Variants in ATG16L2 observed in about 807,000 individuals in gnomAD.
ATG16L2 encodes the protein autophagy related 16 like 2, also known as protein Atg16l2.
A neutral mutation model predicts 84.7 loss-of-function variants in ATG16L2; 77 were observed. The ratio of observed to expected loss-of-function variants is 0.91; its 90% CI spans 0.76 to 1.10. ATG16L2 has a LOEUF of 1.10. Among genes scored for constraint, ATG16L2 ranks in the 50% least tolerant of loss-of-function variants. The pLI is 0.00. For synonymous variants in ATG16L2, 361 were observed against 342.8 expected (o/e 1.05, Z -0.59); for missense variants, 782 against 817.6 (o/e 0.96, Z 0.53).
chr11:72,821,934 C>T (rs1451288889), intron 4 of ATG16L2, 110 bp from the exon 5 acceptor site: 3 of 1,424,162 alleles, frequency 2.1e-6, no homozygotes, highest in South Asian at 1.5e-5. Flanking sequence ...CTTAGCCACC[C>T]GGCTAGCCGC....
chr11:72,819,770 G>A (rs1555031499), intron 3 of ATG16L2, among the ~76,000 whole-genome samples: 1 of 151,676 alleles, frequency 6.6e-6, no homozygotes, highest in Non-Finnish European at 1.5e-5. Flanking sequence ...TTTTGAGACG[G>A]AGTCTCACTC....
downstream of ATG16L2, among the ~76,000 whole-genome samples, chr11:72,830,584 C>G (rs145073390): frequency 6.6e-6 from 1 of 152,316 alleles, no homozygotes; most frequent in Non-Finnish European, 1.5e-5. Flanking sequence ...ATCCTCCCAC[C>G]TGGTCTTCCC....
chr11:72,820,331 T>C (rs1859921143), intron 3 of ATG16L2: 1 of 152,214 alleles, frequency 6.6e-6, no homozygotes. Flanking sequence ...GTTTCACCAC[T>C]GCAAAGATCT....
chr11:72,822,406 A>G lies in ATG16L2; in HGVS notation c.645-72A>G, dbSNP rs780616416. On this transcript the variant is annotated intron_variant, in intron 5 of 17. Transcript: ENST00000321297. This position sits in a 1 kb window ranked among gnomAD's most constrained non-coding sequence, Gnocchi z 4.2. ...GGGGCAGCAGCCGCCCCCTGGAGGA[A>G]GGGACCGGGTCTAGCCCCGCCTGCG... 1 of 1,594,538 alleles carries G rather than the reference A, an allele frequency of 6.3e-7. No individual in the cohort carries two copies. Among genetic ancestry groups the G allele is most frequent in the Non-Finnish European group, 8.5e-7 (1 of 1,174,380 alleles).
Position 72,825,481 on chromosome 11 carries a change from CAG to C in ATG16L2, c.1102+77_1102+78del. 4.3e-6 allele frequency: 5 copies of C among 1,161,972 alleles called. No individual in the cohort carries two copies. In the South Asian group the frequency reaches 6.2e-5, roughly 14 times the overall value. 72.0% of individuals were successfully genotyped at this position (1,161,972 alleles called of 1,614,324 possible). On this transcript the variant is annotated intron_variant, in intron 10 of 17. Coordinates refer to ENST00000321297, the MANE Select transcript of ATG16L2 (RefSeq NM_033388.2). Reference sequence around the variant, plus strand: ...TCTCCTCAGCTCACTCCTTGGTGGGCAGAGGTCTTGGATCTCTTTGTGTTTCT... The same window carrying C: ...TCTCCTCAGCTCACTCCTTGGTGGGCAGGTCTTGGATCTCTTTGTGTTTCT...
chr11:72,842,709 T>C (rs766081890), exon 6 of ATG16L2: 18 of 1,613,928 alleles, frequency 1.1e-5, no homozygotes, highest in South Asian at 5.5e-5. Flanking sequence ...AATACGCCCA[T>C]TGAATTCCCC....
At position 72,814,440 on chromosome 11, in the gene ATG16L2, G is replaced by C. The variant is rs1341825299; in HGVS notation, c.-6G>C. The C allele has an allele frequency of 1.4e-6, 2 of 1,477,492 alleles. No individual in the cohort carries two copies. The highest frequency in any genetic ancestry group is 1.8e-6 in the Non-Finnish European group (2 of 1,106,624). 91.5% of individuals were successfully genotyped at this position (1,477,492 alleles called of 1,614,324 possible). On this transcript the variant is annotated 5_prime_UTR_variant, in exon 1 of 18. Transcript: ENST00000321297. ...GGAACGCGCCGCTAGGCGGGAGAGC[G>C]CGGCCATGGCGGGGCCGGGCGTCCC...
In ATG16L2 at chr11:72,842,626, T is replaced by C. The variant is rs1860997947; in HGVS notation, c.*31T>C. 1.2e-6 allele frequency: 2 copies of C among 1,613,924 alleles called. No homozygotes were observed. The highest frequency in any genetic ancestry group is 3.3e-5 in the Admixed American group (2 of 60,006). Reference sequence around the variant, plus strand: ...CTGTCTCCCCTCTCAGGTACCTGAATCTCTCTCATCCATGGAGTGTCACCA... The same window carrying C: ...CTGTCTCCCCTCTCAGGTACCTGAACCTCTCTCATCCATGGAGTGTCACCA... On this transcript the variant is annotated 3_prime_UTR_variant, in exon 6 of 6. Transcript: ENST00000534905.
At chr11:72,829,263 TCCTGAAGCCCC>T (rs750844853) in intron 17 of ATG16L2, 29 bp from the exon 18 acceptor site, 6 of 1,603,570 alleles carry the variant, frequency 3.7e-6, no homozygotes, top group Non-Finnish European at 5.1e-6. Context: ...CAGGCGCAGT[TCCTGAAGCCCC>T]CCTGAAGCCT....
chr11:72,829,419 C>T lies in ATG16L2; in HGVS notation c.*29C>T. ...CACGACCTGCCTGCCTGGGCTGGAG[C>T]TCTTGCCCGAAGCCTGAAGCTTCCT... On this transcript the variant is annotated 3_prime_UTR_variant, in exon 18 of 18. Transcript: ENST00000321297. 6.2e-7 allele frequency: 1 copy of T among 1,600,046 alleles called. No homozygotes were observed. Among genetic ancestry groups the T allele is most frequent in the Non-Finnish European group, 8.5e-7 (1 of 1,171,858 alleles).
At chr11:72,839,173 G>A (rs1371458140) in intron 5 of ATG16L2, among the ~76,000 whole-genome samples, 1 of 152,214 alleles carries the variant, frequency 6.6e-6, no homozygotes, top group Non-Finnish European at 1.5e-5. Context: ...TGGAAGCAAG[G>A]GAGAGCAATG....
chr11:72,842,151 T>G lies in ATG16L2; in HGVS notation c.*22-466T>G, dbSNP rs145360918. ...CTGTTTCCCTGTGATGAACTAAGTC[T>G]AGGGTCACTTGAGTGGGGATTAGGG... On this transcript the variant is annotated intron_variant, in intron 5 of 5. Transcript: ENST00000534905. 7.2e-5 allele frequency among the ~76,000 whole-genome samples: 11 copies of G among 152,296 alleles called. No homozygotes were observed. The East Asian group carries it at 2.1e-3, about 29-fold the overall frequency.
intron 5 of ATG16L2, among the ~76,000 whole-genome samples, chr11:72,835,032 G>T (rs1860694243): frequency 6.6e-6 from 1 of 152,218 alleles, no homozygotes; most frequent in Non-Finnish European, 1.5e-5. Flanking sequence ...GAGAGGAAGG[G>T]GATCTAGGTG....
At position 72,826,168 on chromosome 11, in the gene ATG16L2, C is replaced by T; in HGVS notation, c.1103-5C>T. 6.2e-7 allele frequency: 1 copy of T among 1,612,286 alleles called. No individual in the cohort carries two copies. The highest frequency in any genetic ancestry group is 8.5e-7 in the Non-Finnish European group (1 of 1,178,802). On this transcript the variant is annotated splice_region_variant and splice_polypyrimidine_tract_variant and intron_variant, in intron 10 of 17. Transcript: ENST00000321297. ...TTCAACTGTCCCTTCCCCTGGTCCTCCCAGGTCGCCTGGAGGCCAACCAGA... is the reference window on the plus strand; with the variant it reads ...TTCAACTGTCCCTTCCCCTGGTCCTTCCAGGTCGCCTGGAGGCCAACCAGA...
chr11:72,840,979 A>C lies in ATG16L2; in HGVS notation c.*22-1638A>C, dbSNP rs763589419. 12 of 1,589,940 alleles carry C rather than the reference A, an allele frequency of 7.5e-6. No homozygotes were observed. In the East Asian group the frequency reaches 8.9e-5, roughly 12 times the overall value. On this transcript the variant is annotated intron_variant, in intron 5 of 5. Coordinates refer to the ATG16L2 transcript ENST00000534905. The stretch of plus-strand genomic sequence containing the variant: ...TTTTTTCTAAGGGAGAAAACCAAAG[A>C]AGCTCATTTTACTTGAGTTGTTGAG...
chr11:72,814,575 C>T lies in ATG16L2; in HGVS notation c.118+12C>T. On this transcript the variant is annotated intron_variant, in intron 1 of 17. Coordinates refer to ENST00000321297, the MANE Select transcript of ATG16L2 (RefSeq NM_033388.2). ...GCTGGTGCCGGCCTGTGAGTGCGCC[C>T]CGGTGCTGAGAGGATGGCGGCTGAG... 6.4e-7 allele frequency: 1 copy of T among 1,561,212 alleles called. No homozygotes were observed. The highest frequency in any genetic ancestry group is 8.7e-7 in the Non-Finnish European group (1 of 1,149,880).
chr11:72,830,108 G>A (rs1421978701), downstream of ATG16L2, among the ~76,000 whole-genome samples: 2 of 152,172 alleles, frequency 1.3e-5, no homozygotes, highest in African/African-American at 4.8e-5. Flanking sequence ...AGGCCTCTGT[G>A]TGTCTGTGCC....
rs1235815676 is a variant in ATG16L2, at chr11:72,828,528, T to C, written c.1622+20T>C. The C allele has an allele frequency of 1.9e-6, 3 of 1,614,134 alleles. No individual in the cohort carries two copies. In the Admixed American group the frequency reaches 5.0e-5, roughly 27 times the overall value. On this transcript the variant is annotated intron_variant, in intron 15 of 17. Transcript: ENST00000321297. The stretch of plus-strand genomic sequence containing the variant: ...GTTCAGGTACCAGCCTCATGCCTGC[T>C]GACCCTGTGGCCTTTGCTGGGACAG...
downstream of ATG16L2, among the ~76,000 whole-genome samples, chr11:72,831,513 A>T (rs1860605575): frequency 6.6e-6 from 1 of 152,166 alleles, no homozygotes; most frequent in Admixed American, 6.5e-5. Context: ...CTCAACAACA[A>T]CAAAATTCTC....
Sources: gnomAD v4.1 joint callset for allele counts (sites outside exome capture counted in the v4.1 genomes callset) on GRCh38, gnomAD v4.1.1 for gene constraint, Gnocchi (gnomAD v3.1) non-coding constraint, MANE v1.5 for transcripts, NCBI Gene and HGNC (gene_info 2026-07-23, HGNC 2026-07-21) for gene names.